Variants in GGACT observed in about 807,000 individuals in gnomAD.
GGACT encodes the protein gamma-glutamylaminecyclotransferase.
For synonymous variants in GGACT, 118 were observed against 115.3 expected, an observed-to-expected ratio of 1.02 and a Z score of -0.15; for missense variants, 241 against 233.2, an observed-to-expected ratio of 1.03 and a Z score of -0.22.
At position 100,532,368 on chromosome 13, in the gene GGACT, AGCATCCGCTCGTCTACCGCGTAGACCTC is replaced by A; in HGVS notation, c.196_223del (p.Glu66CysfsTer127). 6.4e-7 allele frequency: 1 copy of A among 1,550,582 alleles called. No homozygotes were observed. Among genetic ancestry groups the A allele is most frequent in the Non-Finnish European group, 8.7e-7 (1 of 1,146,624 alleles). On this transcript the variant is annotated frameshift_variant, in exon 3 of 3. Coordinates refer to ENST00000683975, the MANE Select transcript of GGACT (RefSeq NM_001195087.2). LOFTEE classifies it low-confidence loss of function (END_TRUNC). Reference sequence around the variant, plus strand: ...ACTCTCGAAGTCATCCAGAAAGCGCAGCATCCGCTCGTCTACCGCGTAGACCTCGCCCTCCACGAGGCGCCCCGAGCCG... The same window carrying A: ...ACTCTCGAAGTCATCCAGAAAGCGCAGCCCTCCACGAGGCGCCCCGAGCCG...
In GGACT at chr13:100,553,611, T is replaced by A. The variant is rs557383174; in HGVS notation, c.-10-21010A>T. On this transcript the variant is annotated intron_variant, in intron 2 of 2. Transcript: ENST00000683975. ...CTGTAATCCTGGCACTTTGGGAGGC[T>A]TAGCCAGCTGGATCATGAGGTCAGG... 7.9e-5 allele frequency among the ~76,000 whole-genome samples: 12 copies of A among 152,194 alleles called. No individual in the cohort carries two copies. The East Asian group carries it at 2.1e-3, about 27-fold the overall frequency.
intron 2 of GGACT, among the ~76,000 whole-genome samples, chr13:100,554,223 G>A (rs1266238822): frequency 2.0e-5 from 3 of 152,080 alleles, no homozygotes; most frequent in Non-Finnish European, 4.4e-5. Flanking sequence ...GTTCCCCCAG[G>A]GGATGAAAGC....
intron 2 of GGACT, among the ~76,000 whole-genome samples, chr13:100,576,497 CT>C (rs1875250016): frequency 6.6e-6 from 1 of 152,192 alleles, no homozygotes; most frequent in Admixed American, 6.5e-5. Flanking sequence ...TATATAAGTG[CT>C]TACAGCAGCT....
chr13:100,564,521 G>T (rs2088793532), intron 2 of GGACT, among the ~76,000 whole-genome samples: 1 of 152,150 alleles, frequency 6.6e-6, no homozygotes, highest in African/African-American at 2.4e-5. Context: ...TGAAAATGAA[G>T]ATAATACAAA....
Position 100,532,576 on chromosome 13 carries a change from C to T in GGACT, c.16G>A (p.Val6Met), listed in dbSNP as rs1229786070. 25 of 1,545,222 alleles carry T rather than the reference C, an allele frequency of 1.6e-5. No individual in the cohort carries two copies. In the Admixed American group the frequency reaches 4.3e-4, roughly 27 times the overall value. ...TGACCCCGCTTCAGGGTGCCGTACA[C>T]GAAGACTAGGGCCATCCGGGCAGAG... is the stretch of plus-strand genomic sequence containing the variant. MALVF[V>M]YGTLKRGQPN... Residue 6 changes from valine (V) to methionine (M), a missense_variant, in exon 3 of 3, where the codon GTG becomes ATG. Val to Met is a conservative substitution (Grantham distance 21). Coordinates refer to ENST00000683975, the MANE Select transcript of GGACT (RefSeq NM_001195087.2).
rs774269322 is a variant in GGACT, at chr13:100,532,093, A to G, written c.*37T>C. 20 of 1,388,924 alleles carry G rather than the reference A, an allele frequency of 1.4e-5. No individual in the cohort carries two copies. Among genetic ancestry groups the G allele is most frequent in the Non-Finnish European group, 1.9e-5 (20 of 1,055,170 alleles). The allele number at this position is 1,388,924 out of a possible 1,614,324, so 86.0% of individuals were successfully genotyped here. A position where few individuals can be genotyped will look rare whatever the true frequency, so the allele number is the denominator to read the frequency against. ...TGGGCTGGGCGCATCTTGGAGCCCC[A>G]GGGCTCTCAAACCTAGGCCCACCCT... is the stretch of plus-strand genomic sequence containing the variant. On this transcript the variant is annotated 3_prime_UTR_variant, in exon 3 of 3. Transcript: ENST00000683975.
intron 2 of GGACT, among the ~76,000 whole-genome samples, chr13:100,541,284 GGCA>G (rs1450522574): frequency 6.6e-6 from 1 of 151,906 alleles, no homozygotes; most frequent in East Asian, 1.9e-4. Context: ...CAGAGTGCAG[GGCA>G]AGTATCAAAC....
At chr13:100,547,633 C>T (rs939368078) in intron 2 of GGACT, among the ~76,000 whole-genome samples, 1 of 152,210 alleles carries the variant, frequency 6.6e-6, no homozygotes, top group Admixed American at 6.5e-5. Context: ...TTAGGGTTTC[C>T]ACAAGTACCC....
In GGACT at chr13:100,579,283, C is replaced by T. The variant is rs117274089; in HGVS notation, c.-11+4542G>A. On this transcript the variant is annotated intron_variant, in intron 2 of 2. Transcript: ENST00000683975. Reference sequence around the variant, plus strand: ...AGAGCAACTGCAGCAAAACCACCCCCAGGGTACGGAGGCAGGAGTACCCAC... The same window carrying T: ...AGAGCAACTGCAGCAAAACCACCCCTAGGGTACGGAGGCAGGAGTACCCAC... Among the ~76,000 whole-genome samples the T allele has an allele frequency of 2.5e-4, 38 of 152,302 alleles. No individual in the cohort carries two copies. The East Asian group carries it at 7.0e-3, about 28-fold the overall frequency.
intron 2 of GGACT, among the ~76,000 whole-genome samples, chr13:100,542,317 T>G (rs910589432): frequency 1.1e-4 from 17 of 152,304 alleles, no homozygotes; most frequent in African/African-American, 3.6e-4. Context: ...TCGTCCTTCA[T>G]GACGCTGTGG....
At chr13:100,583,790 A>G (rs1228094925) in intron 2 of GGACT, 35 bp downstream of exon 2, 1 of 152,234 alleles carries the variant, frequency 6.6e-6, no homozygotes, top group Non-Finnish European at 1.5e-5. Context: ...AATTTGAGCA[A>G]TGAACACTCT....
intron 2 of GGACT, among the ~76,000 whole-genome samples, chr13:100,564,271 G>A (rs1272980967): frequency 6.6e-6 from 1 of 152,124 alleles, no homozygotes; most frequent in Non-Finnish European, 1.5e-5. Flanking sequence ...TGATGCTCTC[G>A]AACTACTAAC....
intron 2 of GGACT, among the ~76,000 whole-genome samples, chr13:100,549,452 A>AG (rs1265517227): frequency 1.3e-5 from 2 of 152,274 alleles, no homozygotes; most frequent in African/African-American, 4.8e-5. Flanking sequence ...ACTGCCAGGC[A>AG]GGGCCCTATA....
intron 2 of GGACT, among the ~76,000 whole-genome samples, chr13:100,575,138 G>A (rs902617286): frequency 1.3e-5 from 2 of 152,168 alleles, no homozygotes; most frequent in Admixed American, 6.5e-5. Flanking sequence ...ATATGCTAAC[G>A]TTCTTCCAAG....
Position 100,540,073 on chromosome 13 carries a change from A to G in GGACT, c.-10-7472T>C, listed in dbSNP as rs1594183948. 8 of 1,378,666 alleles carry G rather than the reference A, an allele frequency of 5.8e-6. No individual in the cohort carries two copies. In the East Asian group the frequency reaches 1.8e-4, roughly 31 times the overall value. The allele number at this position is 1,378,666 out of a possible 1,614,324, so 85.4% of individuals were successfully genotyped here. A position where few individuals can be genotyped will look rare whatever the true frequency, so the allele number is the denominator to read the frequency against. ...CAGCTTGGGAAGCACATAGGCATCG[A>G]AGACGCTCGCTTCAGAAATGTCCCT... On this transcript the variant is annotated intron_variant, in intron 2 of 2. Coordinates refer to ENST00000683975, the MANE Select transcript of GGACT (RefSeq NM_001195087.2).
chr13:100,530,477 A>G lies in GGACT; in HGVS notation c.*1653T>C, dbSNP rs1470161579. On this transcript the variant is annotated 3_prime_UTR_variant, in exon 3 of 3. Coordinates refer to ENST00000683975, the MANE Select transcript of GGACT (RefSeq NM_001195087.2). The stretch of plus-strand genomic sequence containing the variant: ...CTTTGAATGAAGACAATGTACACAT[A>G]GGCGACAGGCTCTGCCAGTAGACTA... 4.3e-6 allele frequency: 2 copies of G among 462,000 alleles called. No individual in the cohort carries two copies. Among genetic ancestry groups the G allele is most frequent in the Non-Finnish European group, 8.0e-6 (2 of 251,258 alleles). The allele number at this position is 462,000 out of a possible 1,614,324, so 28.6% of individuals were successfully genotyped here. A position where few individuals can be genotyped will look rare whatever the true frequency, so the allele number is the denominator to read the frequency against.
At chr13:100,564,090 C>T (rs553744663) in intron 2 of GGACT, among the ~76,000 whole-genome samples, 18 of 152,298 alleles carry the variant, frequency 1.2e-4, no homozygotes, top group Admixed American at 7.2e-4. Context: ...GAAGCTTCAA[C>T]GCTGATGTTC....
At chr13:100,558,885 T>C (rs976510312) in intron 2 of GGACT, among the ~76,000 whole-genome samples, 1 of 151,764 alleles carries the variant, frequency 6.6e-6, no homozygotes, top group African/African-American at 2.4e-5. Context: ...CACAGTTAGA[T>C]GAGAGGAGTT....
chr13:100,546,812 C>CA (rs2088609610), intron 2 of GGACT, among the ~76,000 whole-genome samples: 1 of 152,268 alleles, frequency 6.6e-6, no homozygotes, highest in Non-Finnish European at 1.5e-5. Flanking sequence ...CTCTCGACTG[C>CA]ACCTTTTCTT....
Sources: gnomAD v4.1 joint callset for allele counts (sites outside exome capture counted in the v4.1 genomes callset) on GRCh38, gnomAD v4.1.1 for gene constraint, MANE v1.5 for transcripts, NCBI Gene and HGNC (gene_info 2026-07-23, HGNC 2026-07-21) for gene names.